The following ZNF536 variants were observed in gnomAD, a reference collection of about 807,000 sequenced individuals.
The protein encoded by ZNF536 is zinc finger protein 536.
Under a neutral mutation model 84.5 loss-of-function variants are expected in ZNF536, and 13 were observed. The ratio of observed to expected loss-of-function variants is 0.15; its 90% CI spans 0.10 to 0.24. The LOEUF (loss-of-function observed/expected upper bound fraction) is 0.24, where lower values mean the gene tolerates loss of function less well. Among genes scored for constraint, ZNF536 ranks in the 10% least tolerant of loss-of-function variants. ZNF536 has a pLI of 1.00. For missense variants in ZNF536, 1,536 were observed against 1,747.5 expected (o/e 0.88, Z 2.16); for synonymous variants, 811 against 742.5 (o/e 1.09, Z -1.50).
chr19:30,441,734 G>A lies in ZNF536; in HGVS notation c.-2-1827G>A, dbSNP rs574542865. Among the ~76,000 whole-genome samples, 3 of 152,380 alleles carry A rather than the reference G, an allele frequency of 2.0e-5. No individual in the cohort carries two copies. The South Asian group carries it at 6.2e-4, about 32-fold the overall frequency. The stretch of plus-strand genomic sequence containing the variant: ...ATGGCAAGTGCCCATGCACCTTTAC[G>A]CTTTGCACAGTTGTGCATATCTTTC... On this transcript the variant is annotated intron_variant, in intron 1 of 4. Transcript: ENST00000355537.
chr19:30,462,372 G>T (rs2148434550), intron 2 of ZNF536, among the ~76,000 whole-genome samples: 1 of 152,186 alleles, frequency 6.6e-6, no homozygotes, highest in Middle Eastern at 3.4e-3. Context: ...ATTGGTGGGT[G>T]TGCTTGTGCT....
At chr19:30,508,101 T>G (rs564858594) in intron 2 of ZNF536, among the ~76,000 whole-genome samples, 2 of 152,066 alleles carry the variant, frequency 1.3e-5, no homozygotes, top group African/African-American at 2.4e-5. Context: ...GCCCCAGCAG[T>G]CTGGAAAGGG....
chr19:30,639,490 C>T (rs543515694), intron 1 of ZNF536, among the ~76,000 whole-genome samples: 1 of 152,302 alleles, frequency 6.6e-6, no homozygotes. Context: ...CCAGTAGCCA[C>T]ATGGCCGTCA....
chr19:30,472,164 G>C (rs1283129294), intron 2 of ZNF536, among the ~76,000 whole-genome samples: 1 of 152,110 alleles, frequency 6.6e-6, no homozygotes, highest in African/African-American at 2.4e-5. Context: ...GCTTCTCCTT[G>C]CTATTATTCA....
At chr19:30,475,145 A>G (rs1179077786) in intron 2 of ZNF536, among the ~76,000 whole-genome samples, 1 of 152,142 alleles carries the variant, frequency 6.6e-6, no homozygotes, top group Non-Finnish European at 1.5e-5. Context: ...CAGTGGCACA[A>G]TCTCAGCTCA....
intron 2 of ZNF536, among the ~76,000 whole-genome samples, chr19:30,446,809 C>T (rs990068387): frequency 7.6e-6 from 1 of 132,046 alleles, no homozygotes; most frequent in Non-Finnish European, 1.6e-5. Context: ...AAAAAAAAAA[C>T]CAAAACAACA....
intron 1 of ZNF536, among the ~76,000 whole-genome samples, chr19:30,262,005 T>A (rs1265317627): frequency 6.6e-6 from 1 of 152,200 alleles, no homozygotes; most frequent in Non-Finnish European, 1.5e-5. Context: ...CTTCTGCGTC[T>A]CATTGGCAAT....
Position 30,557,314 on chromosome 19 carries a change from A to G in ZNF536, c.*150A>G. The G allele has an allele frequency of 1.2e-6, 1 of 848,954 alleles. No homozygotes were observed. The allele number at this position is 848,954 out of a possible 1,614,324, so 52.6% of individuals were successfully genotyped here. A position where few individuals can be genotyped will look rare whatever the true frequency, so the allele number is the denominator to read the frequency against. ...AATTACTATTGGCATAGGTATGTGTATACACACGGTGCACCAATCTACAGT... is the reference window on the plus strand; with the variant it reads ...AATTACTATTGGCATAGGTATGTGTGTACACACGGTGCACCAATCTACAGT... On this transcript the variant is annotated 3_prime_UTR_variant, in exon 5 of 5. Transcript: ENST00000355537.
chr19:30,674,437 G>A (rs2050680294), intron 1 of ZNF536, among the ~76,000 whole-genome samples: 1 of 152,216 alleles, frequency 6.6e-6, no homozygotes, highest in South Asian at 2.1e-4. Flanking sequence ...CTACTCTCAG[G>A]TTAATTTCTC....
At position 30,630,249 on chromosome 19, in the gene ZNF536, A is replaced by G. The variant is rs80125091; in HGVS notation, c.170-80508A>G. 1.9e-3 allele frequency among the ~76,000 whole-genome samples: 289 copies of G among 152,352 alleles called. 1 individual carries two copies. Among genetic ancestry groups the G allele is most frequent in the African/African-American group, 6.7e-3 (280 of 41,580 alleles). On this transcript the variant is annotated intron_variant, in intron 1 of 1. Transcript: ENST00000592773. ...TTTATTCATTGAACAATATTGACTG[A>G]GCAACTCATATATCTCAGGCACTTT...
chr19:30,346,334 T>C (rs1367116310), intron 2 of ZNF536, among the ~76,000 whole-genome samples: 1 of 152,234 alleles, frequency 6.6e-6, no homozygotes, highest in Non-Finnish European at 1.5e-5. Flanking sequence ...TCTAAAATTT[T>C]ATTTATTTAT....
intron 1 of ZNF536, among the ~76,000 whole-genome samples, chr19:30,671,772 C>A (rs1482463898): frequency 6.6e-6 from 1 of 152,186 alleles, no homozygotes; most frequent in Non-Finnish European, 1.5e-5. Context: ...GAACAAACAG[C>A]CTCAACTTGG....
chr19:30,623,798 T>C (rs1480961877), intron 1 of ZNF536, among the ~76,000 whole-genome samples: 1 of 152,162 alleles, frequency 6.6e-6, no homozygotes, highest in Non-Finnish European at 1.5e-5. Context: ...GAGCTGCAAA[T>C]GTTGGGGTGT....
chr19:30,706,253 G>C (rs995390952), intron 1 of ZNF536, among the ~76,000 whole-genome samples: 1 of 152,206 alleles, frequency 6.6e-6, no homozygotes, highest in Non-Finnish European at 1.5e-5. Flanking sequence ...GGGATGCTGA[G>C]GCGGGTGGAT....
chr19:30,452,904 T>C lies in ZNF536; in HGVS notation c.2170+7172T>C, dbSNP rs1464359997. Among the ~76,000 whole-genome samples the C allele has an allele frequency of 5.3e-5, 7 of 131,546 alleles. No individual in the cohort carries two copies. In the Admixed American group the frequency reaches 6.3e-4, roughly 12 times the overall value. The allele number at this position is 131,546 out of a possible 152,430, so 86.3% of individuals were successfully genotyped here. On this transcript the variant is annotated intron_variant, in intron 2 of 4. Transcript: ENST00000355537. Reference sequence around the variant, plus strand: ...CACCCTTGTTGATGGTGCTGGCATGTGGAGGAAGGAGGCGGGGGCTGAGCG... The same window carrying C: ...CACCCTTGTTGATGGTGCTGGCATGCGGAGGAAGGAGGCGGGGGCTGAGCG...
chr19:30,275,571 T>C (rs1458229442), intron 1 of ZNF536, among the ~76,000 whole-genome samples: 1 of 152,152 alleles, frequency 6.6e-6, no homozygotes, highest in African/African-American at 2.4e-5. Flanking sequence ...GCTCACAGCA[T>C]GGGTCATGGA....
intron 1 of ZNF536, among the ~76,000 whole-genome samples, chr19:30,421,935 G>A (rs1037368890): frequency 6.6e-6 from 1 of 152,116 alleles, no homozygotes; most frequent in South Asian, 2.1e-4. Flanking sequence ...TTTAGAGCAA[G>A]TGATACAAAT....
chr19:30,705,715 A>G (rs901542399), intron 1 of ZNF536, among the ~76,000 whole-genome samples: 1 of 152,234 alleles, frequency 6.6e-6, no homozygotes, highest in Non-Finnish European at 1.5e-5. Context: ...TACTAGATAC[A>G]CTGCAAGATC....
chr19:30,649,336 C>CTTTGA (rs1397171384), intron 1 of ZNF536, among the ~76,000 whole-genome samples: 2 of 152,192 alleles, frequency 1.3e-5, no homozygotes, highest in Non-Finnish European at 2.9e-5. Flanking sequence ...TATCCCATAA[C>CTTTGA]TTAATCATAT....
Sources: gnomAD v4.1 joint callset for allele counts (sites outside exome capture counted in the v4.1 genomes callset) on GRCh38, gnomAD v4.1.1 for gene constraint, MANE v1.5 for transcripts, NCBI Gene and HGNC (gene_info 2026-07-23, HGNC 2026-07-21) for gene names.